PPP1R13B: variants seen among roughly 807,000 people sequenced by gnomAD.
PPP1R13B encodes apoptosis-stimulating of p53 protein 1.
A neutral mutation model predicts 119.8 loss-of-function variants in PPP1R13B; 44 were observed. That is an observed-to-expected ratio of 0.37 (90% CI 0.29 to 0.47). The LOEUF is 0.47. PPP1R13B is among the 20% of genes least tolerant of loss of function. The pLI is 0.99. For synonymous variants in PPP1R13B, 542 were observed against 561.5 expected (o/e 0.97, Z 0.49); for missense variants, 1,227 against 1,413.5 (o/e 0.87, Z 2.12).
At chr14:103,759,391 AC>A (rs2084752838) in intron 4 of PPP1R13B, 1 of 149,246 alleles carries the variant, frequency 6.7e-6, no homozygotes, top group African/African-American at 2.5e-5. Flanking sequence ...AGGCTGGGGT[AC>A]AGTGGTGCAA....
chr14:103,787,333 C>A (rs1337365935), intron 2 of PPP1R13B, among the ~76,000 whole-genome samples: 1 of 151,848 alleles, frequency 6.6e-6, no homozygotes, highest in Non-Finnish European at 1.5e-5. Context: ...CCTGTGGTTC[C>A]AGCTACTCAG....
intron 1 of PPP1R13B, among the ~76,000 whole-genome samples, chr14:103,837,581 A>G (rs898077453): frequency 6.6e-6 from 1 of 151,920 alleles, no homozygotes; most frequent in Non-Finnish European, 1.5e-5. Flanking sequence ...ACTCCCTCAC[A>G]TGCACACATT....
chr14:103,819,017 A>G (rs1330712975), intron 1 of PPP1R13B, among the ~76,000 whole-genome samples: 1 of 152,174 alleles, frequency 6.6e-6, no homozygotes, highest in Non-Finnish European at 1.5e-5. Flanking sequence ...CAAAAGCCTC[A>G]CTGAAGGAGG....
chr14:103,740,707 G>A lies in PPP1R13B; in HGVS notation c.1823-114C>T. On this transcript the variant is annotated intron_variant, in intron 11 of 16. Coordinates refer to ENST00000202556, the MANE Select transcript of PPP1R13B (RefSeq NM_015316.3). This position sits in a 1 kb window ranked among gnomAD's most constrained non-coding sequence, Gnocchi z 4.6. ...GCAAAGACACACATATACATCTGCT[G>A]CTGTTATTCAATTCTCATTTCAAAT... 1 of 869,340 alleles carries A rather than the reference G, an allele frequency of 1.2e-6. No individual in the cohort carries two copies. Among genetic ancestry groups the A allele is most frequent in the Non-Finnish European group, 1.6e-6 (1 of 637,742 alleles). 53.9% of individuals were successfully genotyped at this position (869,340 alleles called of 1,614,324 possible).
At chr14:103,748,350 TGAGAGACTG>T (rs2151974844) in intron 8 of PPP1R13B, among the ~76,000 whole-genome samples, 1 of 152,310 alleles carries the variant, frequency 6.6e-6, no homozygotes, top group East Asian at 1.9e-4. Context: ...GATTTGTAAA[TGAGAGACTG>T]TGACATCCAC....
intron 1 of PPP1R13B, among the ~76,000 whole-genome samples, chr14:103,831,590 C>T (rs1350579364): frequency 4.0e-5 from 6 of 149,884 alleles, no homozygotes; most frequent in Admixed American, 2.7e-4. Context: ...GGATTATAGG[C>T]GTGAGCCACC....
chr14:103,794,869 T>C (rs182322961), intron 2 of PPP1R13B, among the ~76,000 whole-genome samples: 1 of 152,332 alleles, frequency 6.6e-6, no homozygotes, highest in Admixed American at 6.5e-5. Flanking sequence ...GGGGATATAA[T>C]GGTGAACAAC....
At chr14:103,832,988 G>GA (rs113294294) in intron 1 of PPP1R13B, among the ~76,000 whole-genome samples, 3,568 of 130,132 alleles carry the variant, frequency 0.027, 134 homozygotes, top group African/African-American at 0.09. Context: ...TCTCCAAAAA[G>GA]AAAAAAAAAA....
chr14:103,822,135 C>T (rs2086424317), intron 1 of PPP1R13B, among the ~76,000 whole-genome samples: 1 of 151,886 alleles, frequency 6.6e-6, no homozygotes, highest in Non-Finnish European at 1.5e-5. Flanking sequence ...GATCAAAAAG[C>T]CACTTTTTTT....
chr14:103,845,842 C>T (rs989426725), intron 1 of PPP1R13B, among the ~76,000 whole-genome samples: 1 of 152,128 alleles, frequency 6.6e-6, no homozygotes, highest in Non-Finnish European at 1.5e-5. Flanking sequence ...GGGAAGTTTC[C>T]AAATGCCTTA....
At chr14:103,831,895 C>T (rs1054993883) in intron 1 of PPP1R13B, among the ~76,000 whole-genome samples, 2 of 151,694 alleles carry the variant, frequency 1.3e-5, no homozygotes, top group African/African-American at 4.8e-5. Context: ...GAGACCATGC[C>T]ACTGTACTCC....
In PPP1R13B at chr14:103,779,162, C is replaced by T. The variant is rs1182341711; in HGVS notation, c.278-341G>A. 5.0e-5 allele frequency among the ~76,000 whole-genome samples: 7 copies of T among 138,666 alleles called. No individual in the cohort carries two copies. In the Admixed American group the frequency reaches 5.1e-4, roughly 10 times the overall value. 91.0% of individuals were successfully genotyped at this position (138,666 alleles called of 152,430 possible). ...AAAATTAGCCGGGTATGGTGGTGCA[C>T]CCTGTAGTCTCAGCTACTTGGGGGG... On this transcript the variant is annotated intron_variant, in intron 3 of 16. Transcript: ENST00000202556.
chr14:103,800,348 T>A (rs901921345), intron 1 of PPP1R13B, among the ~76,000 whole-genome samples: 4 of 151,306 alleles, frequency 2.6e-5, no homozygotes, highest in Non-Finnish European at 5.9e-5. Flanking sequence ...ATGATTTTAG[T>A]TTGTTGTTAA....
chr14:103,829,347 A>T (rs2086618728), intron 1 of PPP1R13B, among the ~76,000 whole-genome samples: 1 of 152,222 alleles, frequency 6.6e-6, no homozygotes, highest in Admixed American at 6.5e-5. Flanking sequence ...CTAAATGCCT[A>T]TGTGAAATTA....
At chr14:103,824,706 AAAG>A (rs1043745378) in intron 1 of PPP1R13B, among the ~76,000 whole-genome samples, 2 of 151,950 alleles carry the variant, frequency 1.3e-5, no homozygotes, top group Non-Finnish European at 2.9e-5. Flanking sequence ...AAAAAAAAAA[AAAG>A]GAGACAGCAA....
At position 103,754,019 on chromosome 14, in the gene PPP1R13B, TG is replaced by T. The variant is rs760410347; in HGVS notation, c.631+50del. On this transcript the variant is annotated intron_variant, in intron 6 of 16. Coordinates refer to ENST00000202556, the MANE Select transcript of PPP1R13B (RefSeq NM_015316.3). ...GTCAGGCAGTTAGACTATGTTTCACTGGATCTGGGCCTGGTGAGAGTGGTGT... is the reference window on the plus strand; with the variant it reads ...GTCAGGCAGTTAGACTATGTTTCACTGATCTGGGCCTGGTGAGAGTGGTGT... The T allele has an allele frequency of 8.3e-6, 13 of 1,570,296 alleles. No individual in the cohort carries two copies. In the South Asian group the frequency reaches 1.4e-4, roughly 17 times the overall value.
At chr14:103,749,011 G>C (rs913863575) in intron 8 of PPP1R13B, among the ~76,000 whole-genome samples, 2 of 152,176 alleles carry the variant, frequency 1.3e-5, no homozygotes, top group Non-Finnish European at 2.9e-5. Flanking sequence ...ATCACCTCTA[G>C]AGAACAGGGT....
At chr14:103,735,378 T>C (rs893629016) in intron 16 of PPP1R13B, among the ~76,000 whole-genome samples, 183 bp from the exon 17 acceptor site, 2 of 152,198 alleles carry the variant, frequency 1.3e-5, no homozygotes, top group African/African-American at 4.8e-5. Flanking sequence ...AAATGTGCCT[T>C]GTACCCCCAG....
chr14:103,825,492 C>T (rs1337613318), intron 1 of PPP1R13B, among the ~76,000 whole-genome samples: 1 of 152,174 alleles, frequency 6.6e-6, no homozygotes, highest in Non-Finnish European at 1.5e-5. Flanking sequence ...AGTGAACACA[C>T]AAATGATAAA....
Sources: allele counts gnomAD v4.1 joint callset (sites outside exome capture counted in the v4.1 genomes callset), GRCh38; gene constraint gnomAD v4.1.1; non-coding constraint Gnocchi (gnomAD v3.1); transcripts MANE v1.5; gene names NCBI Gene and HGNC (gene_info 2026-07-23, HGNC 2026-07-21).